The following SIRT1 variants were observed in gnomAD, a reference collection of about 807,000 sequenced individuals.
SIRT1 encodes NAD-dependent protein deacetylase sirtuin-1.
In SIRT1, 24 loss-of-function variants were observed where a neutral mutation model predicts 67.9. The observed-to-expected ratio is 0.35, with a 90% CI of 0.26 to 0.50. SIRT1 has a LOEUF of 0.50. Ranked by LOEUF, SIRT1 falls within the 20% of genes least tolerant of loss-of-function variation. SIRT1 has a pLI of 0.98. For missense variants in SIRT1, 873 were observed against 937.2 expected, an observed-to-expected ratio of 0.93 and a Z score of 0.89; for synonymous variants, 378 against 350.7, an observed-to-expected ratio of 1.08 and a Z score of -0.87.
At chr10:67,896,201 CGT>C (rs1316355556) in intron 4 of SIRT1, among the ~76,000 whole-genome samples, 1 of 152,168 alleles carries the variant, frequency 6.6e-6, no homozygotes, top group Non-Finnish European at 1.5e-5. Flanking sequence ...CATCACAGCT[CGT>C]TGCAGCCTTG....
intron 7 of SIRT1, among the ~76,000 whole-genome samples, chr10:67,910,783 C>A (rs549463972): frequency 2.6e-5 from 4 of 152,252 alleles, no homozygotes; most frequent in Non-Finnish European, 2.9e-5. Flanking sequence ...AGGAAAATTT[C>A]TTTGTCATAT....
Position 67,912,568 on chromosome 10 carries a change from C to T in SIRT1, c.1452C>T (p.Val484=), listed in dbSNP as rs529868515. The part of the protein sequence containing the change: ...FDVELLGDCD[V]IINELCHRLG... ...TAGAGCTTCTTGGAGACTGTGATGT[C>T]ATAATTAATGAATTGTGTCATAGGT... The change falls in exon 8 of 9, where the codon GTC becomes GTT. Residue 484 remains valine, a synonymous_variant. Coordinates refer to ENST00000212015, the MANE Select transcript of SIRT1 (RefSeq NM_012238.5). The T allele has an allele frequency of 2.2e-5, 35 of 1,614,088 alleles. No individual in the cohort carries two copies. In the East Asian group the frequency reaches 6.7e-4, roughly 31 times the overall value.
intron 7 of SIRT1, among the ~76,000 whole-genome samples, chr10:67,910,174 A>G (rs1262031972): frequency 6.6e-6 from 1 of 151,794 alleles, no homozygotes; most frequent in African/African-American, 2.4e-5. Context: ...CAGCAGTTTG[A>G]GACCAGCCTG....
At position 67,916,458 on chromosome 10, in the gene SIRT1, A is replaced by T. The variant is rs201327262; in HGVS notation, c.2109A>T (p.Glu703Asp). 1.2e-6 allele frequency: 2 copies of T among 1,614,078 alleles called. No individual in the cohort carries two copies. Among genetic ancestry groups the T allele is most frequent in the African/African-American group, 2.7e-5 (2 of 74,940 alleles). ...SEIEEFYNGLEDEPDVPERAG... is the reference protein window; with the variant it reads ...SEIEEFYNGLDDEPDVPERAG... ...TTGAAGAATTCTACAATGGCTTAGA[A>T]GATGAGCCTGATGTTCCAGAGAGAG... The change falls in exon 9 of 9, where the codon GAA becomes GAT. Residue 703 changes from glutamate (E) to aspartate (D), a missense_variant. Glu to Asp is a conservative substitution (Grantham distance 45). Around this residue, in one of 3 missense-constraint regions of SIRT1, gnomAD observed 295 missense variants for 294.5 expected, o/e 1.00. Transcript: ENST00000212015.
chr10:67,901,505 T>TAGTAAA (rs1842744568), intron 4 of SIRT1, among the ~76,000 whole-genome samples: 1 of 152,196 alleles, frequency 6.6e-6, no homozygotes, highest in Non-Finnish European at 1.5e-5. Flanking sequence ...TAGGGCCTGG[T>TAGTAAA]AGTAAATATG....
At chr10:67,910,537 T>C (rs1430956236) in intron 7 of SIRT1, among the ~76,000 whole-genome samples, 1 of 152,258 alleles carries the variant, frequency 6.6e-6, no homozygotes, top group African/African-American at 2.4e-5. Flanking sequence ...TTTATCCTTA[T>C]ATTTTTTGAT....
intron 4 of SIRT1, among the ~76,000 whole-genome samples, chr10:67,896,837 A>C (rs544097326): frequency 1.3e-5 from 2 of 151,878 alleles, no homozygotes; most frequent in East Asian, 3.9e-4. Flanking sequence ...TCCTGACAAT[A>C]AAAAATGTCT....
At chr10:67,903,097 AGGT>A (rs916738091) in intron 4 of SIRT1, among the ~76,000 whole-genome samples, 8 of 152,120 alleles carry the variant, frequency 5.3e-5, no homozygotes, top group Non-Finnish European at 1.0e-4. Flanking sequence ...TCAAAAAAAA[AGGT>A]GGGTGTGAAT....
chr10:67,885,482 T>C (rs1208578898), intron 1 of SIRT1: 1 of 985,978 alleles, frequency 1.0e-6, no homozygotes, highest in Non-Finnish European at 1.3e-6. Context: ...TTAGAGCTTT[T>C]TTTTTCTTTT....
At chr10:67,900,375 C>T (rs1227994298) in intron 4 of SIRT1, among the ~76,000 whole-genome samples, 2 of 151,922 alleles carry the variant, frequency 1.3e-5, no homozygotes, top group South Asian at 2.1e-4. Context: ...GAACTCCTAA[C>T]CTCAGGTGAT....
Position 67,916,628 on chromosome 10 carries a change from C to T in SIRT1, c.*35C>T, listed in dbSNP as rs2029922356. 2 of 1,539,398 alleles carry T rather than the reference C, an allele frequency of 1.3e-6. No individual in the cohort carries two copies. Among genetic ancestry groups the T allele is most frequent in the South Asian group, 1.2e-5 (1 of 82,798 alleles). ...TGTGCAGGTACAGGAATTGTTCCAC[C>T]AGCATTAGGAACTTTAGCATGTCAA... On this transcript the variant is annotated 3_prime_UTR_variant, in exon 9 of 9. Coordinates refer to ENST00000212015, the MANE Select transcript of SIRT1 (RefSeq NM_012238.5).
intron 3 of SIRT1, among the ~76,000 whole-genome samples, chr10:67,890,476 G>A (rs1445610799): frequency 6.6e-6 from 1 of 152,136 alleles, no homozygotes; most frequent in Non-Finnish European, 1.5e-5. Context: ...CTGGTGGAGT[G>A]GCTCATGCAT....
Position 67,912,569 on chromosome 10 carries a change from A to T in SIRT1, c.1453A>T (p.Ile485Leu). 2 of 1,614,178 alleles carry T rather than the reference A, an allele frequency of 1.2e-6. No homozygotes were observed. ...AGAGCTTCTTGGAGACTGTGATGTC[A>T]TAATTAATGAATTGTGTCATAGGTT... The part of the protein sequence containing the change: ...DVELLGDCDV[I>L]INELCHRLGG... Residue 485 changes from isoleucine (I) to leucine (L), a missense_variant, in exon 8 of 9, where the codon ATA becomes TTA. This residue lies in a region of SIRT1 where 251 missense variants were observed against 358.8 expected (regional missense o/e 0.70). Transcript: ENST00000212015.
rs763216581 is a variant in SIRT1 at position 67,891,374 on chromosome 10, T to A, written c.790-28T>A. ...TTCCTATAAAGGTAGAAGATTTAAT[T>A]TTACAAATTATGCCATGCACATTTT... On this transcript the variant is annotated intron_variant, in intron 3 of 8. Coordinates refer to ENST00000212015, the MANE Select transcript of SIRT1 (RefSeq NM_012238.5). The A allele has an allele frequency of 5.6e-6, 9 of 1,609,090 alleles. No individual in the cohort carries two copies. In the Admixed American group the frequency reaches 1.5e-4, roughly 27 times the overall value.
intron 1 of SIRT1, 129 bp from the exon 2 acceptor site, chr10:67,887,288 A>G: frequency 4.7e-6 from 3 of 641,694 alleles, no homozygotes; most frequent in Non-Finnish European, 8.5e-6. Flanking sequence ...CTGACCCCAT[A>G]GGCATGCTTT....
chr10:67,915,625 A>G (rs947636797), intron 8 of SIRT1, among the ~76,000 whole-genome samples: 2 of 152,238 alleles, frequency 1.3e-5, no homozygotes, highest in African/African-American at 2.4e-5. Context: ...AGAGTACACT[A>G]TGAATTTGTG....
intron 4 of SIRT1, chr10:67,906,231 T>C: frequency 6.5e-7 from 1 of 1,527,766 alleles, no homozygotes; most frequent in Non-Finnish European, 8.8e-7. Context: ...TCAGCATTCA[T>C]GAGCAACTCT....
At chr10:67,897,021 T>C (rs1012415505) in intron 4 of SIRT1, among the ~76,000 whole-genome samples, 1 of 151,772 alleles carries the variant, frequency 6.6e-6, no homozygotes, top group Admixed American at 6.6e-5. Flanking sequence ...CCAGACGTGG[T>C]GGTGCACACC....
chr10:67,894,546 A>G (rs932959087), intron 4 of SIRT1, among the ~76,000 whole-genome samples: 37 of 152,192 alleles, frequency 2.4e-4, no homozygotes, highest in African/African-American at 8.4e-4. Context: ...AGACATTGAC[A>G]CTATCAGAAG....
Sources: allele counts gnomAD v4.1 joint callset (sites outside exome capture counted in the v4.1 genomes callset), GRCh38; gene constraint gnomAD v4.1.1; regional missense constraint gnomAD v4.1.1; transcripts MANE v1.5; gene names NCBI Gene and HGNC (gene_info 2026-07-23, HGNC 2026-07-21).